Variants in PCDHAC1 observed in about 807,000 individuals in gnomAD.
The protein encoded by PCDHAC1 is protocadherin alpha-C1.
In PCDHAC1, 42 loss-of-function variants were observed where a neutral mutation model predicts 60.0. That is an observed-to-expected ratio of 0.70 (90% CI 0.55 to 0.90). The LOEUF is 0.90. Ranked by LOEUF, PCDHAC1 falls within the 40% of genes least tolerant of loss-of-function variation. The pLI is 0.00. For synonymous variants in PCDHAC1, 468 were observed against 499.3 expected (o/e 0.94, Z 0.84); for missense variants, 1,160 against 1,222.3 (o/e 0.95, Z 0.76).
intron 1 of PCDHAC1, chr5:140,967,425 C>A (rs1218574888): frequency 1.2e-6 from 2 of 1,613,178 alleles, no homozygotes; most frequent in Non-Finnish European, 1.7e-6. Context: ...CGGGAGCAGG[C>A]AGCCTTGCAC....
chr5:141,001,278 C>T (rs182360019), intron 3 of PCDHAC1, among the ~76,000 whole-genome samples: 500 of 152,168 alleles, frequency 3.3e-3, no homozygotes, highest in Admixed American at 5.6e-3. Context: ...ACTTTTTTTA[C>T]GGATGAAAAC....
At chr5:140,947,362 C>T (rs1378703066) in intron 1 of PCDHAC1, among the ~76,000 whole-genome samples, 2 of 151,632 alleles carry the variant, frequency 1.3e-5, no homozygotes, top group Admixed American at 6.6e-5. Context: ...TATTTCACTC[C>T]TTTGATCTAT....
At chr5:140,970,884 A>G (rs1013057138) in intron 1 of PCDHAC1, among the ~76,000 whole-genome samples, 1 of 152,218 alleles carries the variant, frequency 6.6e-6, no homozygotes, top group Admixed American at 6.5e-5. Context: ...GATTTTTCTC[A>G]TGGACATTTC....
intron 3 of PCDHAC1, among the ~76,000 whole-genome samples, chr5:140,988,231 A>G (rs2097289009): frequency 6.6e-6 from 1 of 152,150 alleles, no homozygotes. Context: ...TCAGGGATCT[A>G]TGTGAGTGGG....
At chr5:140,945,091 TAAAC>T (rs1467444609) in intron 1 of PCDHAC1, among the ~76,000 whole-genome samples, 2 of 152,110 alleles carry the variant, frequency 1.3e-5, no homozygotes, top group African/African-American at 2.4e-5. Context: ...TTGGAACTAA[TAAAC>T]AAAATAAAGT....
At position 140,927,527 on chromosome 5, in the gene PCDHAC1, C is replaced by A. The variant is rs1554204693; in HGVS notation, c.635C>A (p.Ala212Asp). 1 of 1,614,084 alleles carries A rather than the reference C, an allele frequency of 6.2e-7. No homozygotes were observed. Residue 212 changes from alanine (A) to aspartate (D), a missense_variant, in exon 1 of 4, where the codon GCC (alanine) becomes GAC (aspartate). Physicochemically the swap from Ala to Asp is moderately radical, Grantham distance 126. Transcript: ENST00000253807. ...ACAGCTCGGGACGGCGGGCTACCTG[C>A]CCGCTCAGGAGACGCACAAGTCACC... ...VLTARDGGLP[A>D]RSGDAQVTII...
rs1308888029 is a variant in PCDHAC1 at position 141,011,344 on chromosome 5, A to G, written c.*1407A>G. Reference sequence around the variant, plus strand: ...ACACCTATGATGTTACCTGAAATCAATCTCCCATATGTATGCTGTATGCTA... The same window carrying G: ...ACACCTATGATGTTACCTGAAATCAGTCTCCCATATGTATGCTGTATGCTA... On this transcript the variant is annotated 3_prime_UTR_variant, in exon 4 of 4. Coordinates refer to ENST00000253807, the MANE Select transcript of PCDHAC1 (RefSeq NM_018898.5). 3 of 153,730 alleles carry G rather than the reference A, an allele frequency of 2.0e-5. No homozygotes were observed. The highest frequency in any genetic ancestry group is 2.9e-5 in the Non-Finnish European group (2 of 68,040). The allele number at this position is 153,730 out of a possible 1,614,324, so 9.5% of individuals were successfully genotyped here.
At chr5:140,943,770 A>G (rs1290673049) in intron 1 of PCDHAC1, among the ~76,000 whole-genome samples, 16 of 152,384 alleles carry the variant, frequency 1.0e-4, no homozygotes, top group African/African-American at 3.8e-4. Context: ...TAGGAAAAAA[A>G]CTAGGAAGTG....
chr5:140,994,788 C>G (rs139745274), intron 3 of PCDHAC1, among the ~76,000 whole-genome samples: 1 of 152,194 alleles, frequency 6.6e-6, no homozygotes, highest in East Asian at 1.9e-4. Context: ...GGAAACAATG[C>G]GTGCATGCAA....
intron 1 of PCDHAC1, among the ~76,000 whole-genome samples, chr5:140,941,846 C>T (rs2093181493): frequency 6.6e-6 from 1 of 152,178 alleles, no homozygotes; most frequent in Non-Finnish European, 1.5e-5. Flanking sequence ...CTGCCATTAC[C>T]TGATATTCCC....
intron 1 of PCDHAC1, chr5:140,966,215 A>G (rs1554228144): frequency 4.1e-6 from 1 of 244,868 alleles, no homozygotes; most frequent in Non-Finnish European, 7.7e-6. Flanking sequence ...CTTTTCCCAG[A>G]CTAATCTCCT....
chr5:140,948,902 T>C (rs943078074), intron 1 of PCDHAC1, among the ~76,000 whole-genome samples: 1 of 151,528 alleles, frequency 6.6e-6, no homozygotes, highest in Non-Finnish European at 1.5e-5. Flanking sequence ...TTAAGTGGAT[T>C]CTTAGGTAAC....
At chr5:141,001,223 A>G (rs1349302343) in intron 3 of PCDHAC1, among the ~76,000 whole-genome samples, 6 of 152,228 alleles carry the variant, frequency 3.9e-5, no homozygotes, top group Non-Finnish European at 8.8e-5. Context: ...AAGGATAGTT[A>G]CATTTAATCT....
At chr5:140,992,925 C>G (rs548869982) in intron 3 of PCDHAC1, among the ~76,000 whole-genome samples, 1 of 152,312 alleles carries the variant, frequency 6.6e-6, no homozygotes, top group South Asian at 2.1e-4. Flanking sequence ...TCCATACTTA[C>G]AGCAGCTCTG....
chr5:140,961,776 A>G (rs1554225585), intron 1 of PCDHAC1, among the ~76,000 whole-genome samples: 1 of 152,188 alleles, frequency 6.6e-6, no homozygotes, highest in African/African-American at 2.4e-5. Flanking sequence ...ATCAAGCTTA[A>G]TGGCACTTTT....
In PCDHAC1 at chr5:140,992,017, CTGTGTG is replaced by C. The variant is rs10602499; in HGVS notation, c.2581+9486_2581+9491del. On this transcript the variant is annotated intron_variant, in intron 3 of 3. Coordinates refer to ENST00000253807, the MANE Select transcript of PCDHAC1 (RefSeq NM_018898.5). ...CTTTCATGTTCAGGCAGAGGTGGCT[CTGTGTG>C]TGTGTGTGTGTGTGTGTGTGTGTGT... 2.1e-3 allele frequency among the ~76,000 whole-genome samples: 300 copies of C among 145,496 alleles called. 2 individuals carry two copies. The highest frequency in any genetic ancestry group is 4.8e-3 in the African/African-American group (189 of 39,270).
chr5:140,981,744 G>C (rs1586900543), intron 2 of PCDHAC1, among the ~76,000 whole-genome samples: 1 of 151,900 alleles, frequency 6.6e-6, no homozygotes, highest in Admixed American at 6.6e-5. Context: ...ATTAATATGA[G>C]TTAGTATTAG....
intron 3 of PCDHAC1, among the ~76,000 whole-genome samples, chr5:141,004,751 T>C (rs1323540564): frequency 2.0e-5 from 3 of 152,182 alleles, no homozygotes; most frequent in African/African-American, 7.2e-5. Flanking sequence ...TCTCAGTCTC[T>C]TAGAGACAGG....
At chr5:140,980,113 C>T (rs2096877031) in intron 2 of PCDHAC1, among the ~76,000 whole-genome samples, 1 of 152,096 alleles carries the variant, frequency 6.6e-6, no homozygotes, top group African/African-American at 2.4e-5. Context: ...ACATTGGAAC[C>T]TGGGTCATAA....
Sources: allele counts gnomAD v4.1 joint callset (sites outside exome capture counted in the v4.1 genomes callset), GRCh38; gene constraint gnomAD v4.1.1; transcripts MANE v1.5; gene names NCBI Gene and HGNC (gene_info 2026-07-23, HGNC 2026-07-21).